Variants in PTGES3L observed in about 807,000 individuals in gnomAD.
PTGES3L encodes the protein putative protein PTGES3L.
A neutral mutation model predicts 25.0 loss-of-function variants in PTGES3L; 17 were observed. The ratio of observed to expected loss-of-function variants is 0.68; its 90% CI spans 0.47 to 1.02. The LOEUF (loss-of-function observed/expected upper bound fraction) is 1.02, where lower values mean the gene tolerates loss of function less well. PTGES3L is among the 50% of genes least tolerant of loss of function. The probability of loss-of-function intolerance (pLI) is 0.00; values close to 1 mark genes in which losing one functional copy is unlikely to be tolerated. For missense variants in PTGES3L, 202 were observed against 197.5 expected (o/e 1.02, Z -0.14); for synonymous variants, 59 against 65.7 (o/e 0.90, Z 0.50).
At chr17:42,975,284 G>C (rs1281425706) in intron 4 of PTGES3L, among the ~76,000 whole-genome samples, 1 of 152,134 alleles carries the variant, frequency 6.6e-6, no homozygotes, top group East Asian at 1.9e-4. Context: ...CCCAAAAGGA[G>C]TCACAAGAAC....
At chr17:42,977,063 G>A (rs2049967357) in intron 4 of PTGES3L, among the ~76,000 whole-genome samples, 1 of 152,138 alleles carries the variant, frequency 6.6e-6, no homozygotes, top group South Asian at 2.1e-4. Flanking sequence ...GGCTGAGGCA[G>A]GCAGATCACC....
intron 6 of PTGES3L, 36 bp downstream of exon 6, chr17:42,970,253 A>G (rs369546714): frequency 6.2e-7 from 1 of 1,613,478 alleles, no homozygotes; most frequent in Non-Finnish European, 8.5e-7. Flanking sequence ...AAGGGCTACA[A>G]AGAAACTGAA....
chr17:42,969,686 G>A (rs999466226), intron 6 of PTGES3L, among the ~76,000 whole-genome samples: 10 of 151,926 alleles, frequency 6.6e-5, no homozygotes, highest in Admixed American at 2.0e-4. Context: ...ACAGGCGTGA[G>A]CCACCACACC....
intron 4 of PTGES3L, among the ~76,000 whole-genome samples, chr17:42,978,690 T>A (rs2050008926): frequency 7.1e-6 from 1 of 140,916 alleles, no homozygotes; most frequent in Admixed American, 7.9e-5. Context: ...GTTCTGCACA[T>A]GTATCCCAGA....
rs779154321 is a variant in PTGES3L, at chr17:42,979,251, G to C, written c.207C>G (p.Arg69=). 1.9e-6 allele frequency: 3 copies of C among 1,613,990 alleles called. No homozygotes were observed. Among genetic ancestry groups the C allele is most frequent in the Admixed American group, 1.7e-5 (1 of 59,974 alleles). Residue 69 remains arginine, a synonymous_variant, in exon 4 of 7, where the codon CGC becomes CGG. Transcript: ENST00000591916. ...KVNSKDSQDK[R]SSRSITCFVR... ...CAAAACAAGTAATAGAGCGGGAAGA[G>C]CGCTTATCCTGGGAGTCCTGCCAGA... is the stretch of plus-strand genomic sequence containing the variant.
rs1299487811 is a variant in PTGES3L at position 42,968,722 on chromosome 17, A to C, written c.*426T>G. On this transcript the variant is annotated 3_prime_UTR_variant, in exon 7 of 7. Transcript: ENST00000591916. Reference sequence around the variant, plus strand: ...GAATAAGTACAAGAAGGAAACAGACAGAGAACAGTTCCTAGAGATTTATTA... The same window carrying C: ...GAATAAGTACAAGAAGGAAACAGACCGAGAACAGTTCCTAGAGATTTATTA... 6.4e-6 allele frequency: 1 copy of C among 156,738 alleles called. No individual in the cohort carries two copies. Among genetic ancestry groups the C allele is most frequent in the Non-Finnish European group, 1.4e-5 (1 of 71,246 alleles). The allele number at this position is 156,738 out of a possible 1,614,324, so 9.7% of individuals were successfully genotyped here. A position where few individuals can be genotyped will look rare whatever the true frequency, so the allele number is the denominator to read the frequency against.
chr17:42,970,752 G>C (rs2942011), intron 5 of PTGES3L, among the ~76,000 whole-genome samples: 149,818 of 151,198 alleles, frequency 0.99, 74,242 homozygotes, highest in Middle Eastern at 1. Flanking sequence ...TTTGTAATGT[G>C]AGCACTTTGG....
chr17:42,978,578 A>G (rs2050006064), intron 4 of PTGES3L, among the ~76,000 whole-genome samples: 1 of 152,236 alleles, frequency 6.6e-6, no homozygotes, highest in Non-Finnish European at 1.5e-5. Flanking sequence ...AAAGAGACTC[A>G]GGACAAATAG....
intron 4 of PTGES3L, among the ~76,000 whole-genome samples, chr17:42,973,799 G>GCT (rs1475336783): frequency 6.8e-6 from 1 of 147,866 alleles, no homozygotes; most frequent in African/African-American, 2.5e-5. Flanking sequence ...AAGGCAGCAT[G>GCT]CTCGTTAAGA....
rs1171922443 is a variant in PTGES3L at position 42,968,946 on chromosome 17, CATCTG to C, written c.*197_*201del. ...ACCAGTCTACCCCTCCCCGACCCTG[CATCTG>C]ATGTGGAGCCATAGTCAAGTGCCTA... On this transcript the variant is annotated 3_prime_UTR_variant, in exon 7 of 7. Transcript: ENST00000591916. The C allele has an allele frequency of 2.0e-6, 1 of 510,024 alleles. No individual in the cohort carries two copies. Among genetic ancestry groups the C allele is most frequent in the Non-Finnish European group, 3.5e-6 (1 of 284,820 alleles). 31.6% of individuals were successfully genotyped at this position (510,024 alleles called of 1,614,324 possible).
chr17:42,973,602 T>G (rs1402184301), intron 4 of PTGES3L, among the ~76,000 whole-genome samples: 1 of 151,224 alleles, frequency 6.6e-6, no homozygotes, highest in Non-Finnish European at 1.5e-5. Context: ...GCCGTGTCTG[T>G]GTAGAAAGAA....
chr17:42,976,390 T>G (rs2049954828), intron 4 of PTGES3L, among the ~76,000 whole-genome samples: 1 of 152,208 alleles, frequency 6.6e-6, no homozygotes, highest in South Asian at 2.1e-4. Context: ...ATAATTTCTT[T>G]TTTTTTGAGA....
Position 42,979,211 on chromosome 17 carries a change from C to T in PTGES3L, c.247G>A (p.Glu83Lys). Residue 83 changes from glutamate to lysine, a missense_variant, in exon 4 of 7, where the codon GAA becomes AAA. By Grantham distance (56) the Glu-to-Lys change is moderately conservative (BLOSUM62 1). Coordinates refer to ENST00000591916, the MANE Select transcript of PTGES3L (RefSeq NM_001261430.2). ...GTAAGCCGCGGCCAGGCCACCTTTT[C>T]CTTCCATTTTCTCACAAAACAAGTA... Reference protein sequence around the residue: ...SITCFVRKWKEKVAWPRLTKE... With the variant: ...SITCFVRKWKKKVAWPRLTKE... The T allele has an allele frequency of 1.9e-6, 3 of 1,614,126 alleles. No individual in the cohort carries two copies. The highest frequency in any genetic ancestry group is 2.5e-6 in the Non-Finnish European group (3 of 1,180,018).
chr17:42,970,676 G>GCGCGCGCACACA (rs1490786473), intron 5 of PTGES3L, among the ~76,000 whole-genome samples: 4 of 144,092 alleles, frequency 2.8e-5, no homozygotes, highest in African/African-American at 7.9e-5. Context: ...CTTAACACGC[G>GCGCGCGCACACA]CACACACACA....
At chr17:42,971,875 T>C in intron 4 of PTGES3L, 179 bp from the exon 5 acceptor site, 1 of 589,576 alleles carries the variant, frequency 1.7e-6, no homozygotes, top group South Asian at 2.0e-5. Context: ...CTAGGCATGA[T>C]AGAGTCTGAA....
intron 4 of PTGES3L, among the ~76,000 whole-genome samples, chr17:42,972,530 G>A (rs758320873): frequency 6.6e-6 from 1 of 152,178 alleles, no homozygotes; most frequent in Admixed American, 6.5e-5. Flanking sequence ...CGCTGTGTTG[G>A]CTGGGCCGGT....
chr17:42,969,174 T>C lies in PTGES3L; in HGVS notation c.445A>G (p.Ser149Gly). ...AMDDLDDDSD[S>G]ADDATSN ...TAATTACTTGTTGCATCATCAGCAC[T>C]GTCAGAATCATCCTGGGGGCGGGGG... Residue 149 changes from serine (S) to glycine (G), a missense_variant, in exon 7 of 7, where the codon AGT (serine) becomes GGT (glycine). By Grantham distance (56) the Ser-to-Gly change is moderately conservative (BLOSUM62 0). Coordinates refer to ENST00000591916, the MANE Select transcript of PTGES3L (RefSeq NM_001261430.2). The C allele has an allele frequency of 1.6e-6, 2 of 1,260,690 alleles. No homozygotes were observed. The highest frequency in any genetic ancestry group is 1.1e-6 in the Non-Finnish European group (1 of 928,970). 78.1% of individuals were successfully genotyped at this position (1,260,690 alleles called of 1,614,324 possible).
chr17:42,979,094 G>A, intron 4 of PTGES3L, 76 bp downstream of exon 4: 1 of 1,506,194 alleles, frequency 6.6e-7, no homozygotes, highest in South Asian at 1.1e-5. Flanking sequence ...ATATTGGCTG[G>A]AAAGGAGGCA....
chr17:42,969,401 C>CTTTT (rs67136149), intron 6 of PTGES3L, among the ~76,000 whole-genome samples: 1 of 73,012 alleles, frequency 1.4e-5, no homozygotes, highest in African/African-American at 5.3e-5. Flanking sequence ...AGTTTCAGGA[C>CTTTT]TTTTTTTTTT....
Sources: allele counts gnomAD v4.1 joint callset (sites outside exome capture counted in the v4.1 genomes callset), GRCh38; gene constraint gnomAD v4.1.1; transcripts MANE v1.5; gene names NCBI Gene and HGNC (gene_info 2026-07-23, HGNC 2026-07-21).